ESPNL: variants seen among roughly 807,000 people sequenced by gnomAD.
ESPNL encodes espin like.
ESPNL carries 49 observed loss-of-function variants against 46.8 expected under a neutral mutation model. That is an observed-to-expected ratio of 1.05 (90% CI 0.83 to 1.33). The LOEUF (loss-of-function observed/expected upper bound fraction) is 1.33. Among genes scored for constraint, ESPNL ranks in the 40% most tolerant of loss-of-function variants. The pLI, the probability that ESPNL is intolerant of heterozygous loss-of-function variation, is 0.00. For missense variants in ESPNL, 1,540 were observed against 1,436.6 expected (o/e 1.07, Z -1.16); for synonymous variants, 664 against 662.1 (o/e 1.00, Z -0.04).
Position 238,104,782 on chromosome 2 carries a change from T to C in ESPNL, c.612T>C (p.Asp204=), listed in dbSNP as rs2106464537. 1 of 1,594,460 alleles carries C rather than the reference T, an allele frequency of 6.3e-7. No individual in the cohort carries two copies. Among genetic ancestry groups the C allele is most frequent in the Non-Finnish European group, 8.5e-7 (1 of 1,172,656 alleles). The change falls in exon 3 of 9, where the codon GAT becomes GAC. Residue 204 remains aspartate, a synonymous_variant. Coordinates refer to ENST00000343063, the MANE Select transcript of ESPNL (RefSeq NM_194312.4). ...CTGACGTGCACCTTCGTGCTCTCGA[T>C]GGCATGAGCGCCCTGCACGCTGCCG... The part of the protein sequence containing the change: ...CGADVHLRAL[D]GMSALHAAAA...
chr2:238,130,608 G>C lies in ESPNL; in HGVS notation c.1894G>C (p.Ala632Pro), dbSNP rs1692289962. ...GCCCCTGCAGGACACCTGCAGGGAG[G>C]CCTCGGCCAGCCCCCCTCGGAGCGA... ...TRPLQDTCRE[A>P]SASPPRSEAQ... The change falls in exon 9 of 9, where the codon GCC becomes CCC. Residue 632 changes from alanine (A) to proline (P), a missense_variant. Ala to Pro is a conservative substitution (Grantham distance 27). Coordinates refer to ENST00000343063, the MANE Select transcript of ESPNL (RefSeq NM_194312.4). 6.4e-7 allele frequency: 1 copy of C among 1,564,804 alleles called. No homozygotes were observed. The highest frequency in any genetic ancestry group is 1.2e-5 in the South Asian group (1 of 85,470).
At position 238,130,424 on chromosome 2, in the gene ESPNL, G is replaced by C; in HGVS notation, c.1710G>C (p.Ala570=). Residue 570 remains alanine, a synonymous_variant, in exon 9 of 9, where the codon GCG becomes GCC. Coordinates refer to ENST00000343063, the MANE Select transcript of ESPNL (RefSeq NM_194312.4). ...GLEVEEASIP[A]AEPAGSAEAS... ...AGGTTGAGGAGGCCTCAATCCCAGC[G>C]GCTGAGCCCGCAGGGTCTGCGGAGG... 5.6e-6 allele frequency: 9 copies of C among 1,607,900 alleles called. No individual in the cohort carries two copies. Among genetic ancestry groups the C allele is most frequent in the Non-Finnish European group, 7.6e-6 (9 of 1,178,002 alleles).
In ESPNL at chr2:238,108,689, G is replaced by A. The variant is rs542114045; in HGVS notation, c.855+716G>A. 2.0e-5 allele frequency among the ~76,000 whole-genome samples: 3 copies of A among 152,318 alleles called. No homozygotes were observed. In the East Asian group the frequency reaches 5.8e-4, roughly 29 times the overall value. On this transcript the variant is annotated intron_variant, in intron 4 of 8. Transcript: ENST00000343063. ...CTGCTCAGTCGGGAGCCAGCAGCGT[G>A]CTCCAGGCCTCTGCAAGGCTAGTCT...
At position 238,131,535 on chromosome 2, in the gene ESPNL, C is replaced by T. The variant is rs772882990; in HGVS notation, c.2821C>T (p.Arg941Cys). 8.1e-6 allele frequency: 13 copies of T among 1,611,484 alleles called. No individual in the cohort carries two copies. Among genetic ancestry groups the T allele is most frequent in the Middle Eastern group, 1.7e-4 (1 of 6,058 alleles). ...QRPAWDTEPGRKSGLTLLGPL... is the reference protein window; with the variant it reads ...QRPAWDTEPGCKSGLTLLGPL... ...TCCCGCCTGGGATACGGAGCCTGGC[C>T]GCAAGTCAGGTCTGACCCTGCTCGG... Residue 941 changes from arginine to cysteine, a missense_variant, in exon 9 of 9, where the codon CGC becomes TGC. By Grantham distance (180) the Arg-to-Cys change is radical (BLOSUM62 -3). Transcript: ENST00000343063.
rs1400167120 is a variant in ESPNL at position 238,107,993 on chromosome 2, GACA to G, written c.855+21_855+23del. The G allele has an allele frequency of 1.9e-5, 30 of 1,597,514 alleles. No individual in the cohort carries two copies. Among genetic ancestry groups the G allele is most frequent in the Non-Finnish European group, 2.6e-5 (30 of 1,171,210 alleles). On this transcript the variant is annotated intron_variant, in intron 4 of 8. Transcript: ENST00000343063. ...ATGGAGGTAAGGTGGGCGTGAGGGA[GACA>G]GGGTGAGCAGTCACAAGTGCCAGCC...
At chr2:238,127,400 G>A (rs1182319020) in intron 6 of ESPNL, 3 of 1,317,858 alleles carry the variant, frequency 2.3e-6, no homozygotes, top group East Asian at 3.1e-5. Flanking sequence ...GCGGTGTGCC[G>A]CAGGCTCTCC....
rs1450379194 is a variant in ESPNL, at chr2:238,132,008, G to GC, written c.*281dup. On this transcript the variant is annotated 3_prime_UTR_variant, in exon 9 of 9. Coordinates refer to ENST00000343063, the MANE Select transcript of ESPNL (RefSeq NM_194312.4). Reference sequence around the variant, plus strand: ...AGTCCAGGGCACCTCTGCCCAGCCGGCCCCCGAGACCTGGGATGCTGCCTG... The same window carrying GC: ...AGTCCAGGGCACCTCTGCCCAGCCGGCCCCCCGAGACCTGGGATGCTGCCTG... 2.8e-6 allele frequency: 1 copy of GC among 356,148 alleles called. No homozygotes were observed. The highest frequency in any genetic ancestry group is 5.1e-6 in the Non-Finnish European group (1 of 197,738). 22.1% of individuals were successfully genotyped at this position (356,148 alleles called of 1,614,324 possible).
chr2:238,105,063 G>A (rs936924657), intron 3 of ESPNL, among the ~76,000 whole-genome samples: 6 of 152,154 alleles, frequency 3.9e-5, no homozygotes, highest in East Asian at 1.9e-4. Context: ...CTGTGGGGTC[G>A]TGCCACGGCT....
At chr2:238,117,100 C>T (rs1022712719) in intron 5 of ESPNL, 66 bp downstream of exon 5, 2 of 1,530,874 alleles carry the variant, frequency 1.3e-6, no homozygotes, top group African/African-American at 2.7e-5. Context: ...AGCCAGGACC[C>T]CACTGCTGAA....
intron 4 of ESPNL, among the ~76,000 whole-genome samples, chr2:238,115,176 A>G (rs1016479567): frequency 2.0e-5 from 3 of 152,088 alleles, no homozygotes; most frequent in African/African-American, 7.2e-5. Context: ...GCAGGGCTCT[A>G]TCTTTTTGTC....
chr2:238,130,011 C>T, intron 8 of ESPNL, 117 bp from the exon 9 acceptor site: 1 of 1,205,952 alleles, frequency 8.3e-7, no homozygotes, highest in Non-Finnish European at 1.1e-6. Flanking sequence ...AAAGTCTTAC[C>T]TTGGGGCAGG....
At chr2:238,122,915 C>A (rs1016250815) in intron 5 of ESPNL, among the ~76,000 whole-genome samples, 8 of 152,350 alleles carry the variant, frequency 5.3e-5, no homozygotes, top group Middle Eastern at 3.4e-3. Context: ...CTGACTCTGC[C>A]CTGCTTGAAG....
At position 238,118,553 on chromosome 2, in the gene ESPNL, G is replaced by GAA. The variant is rs1327595156; in HGVS notation, c.987+1519_987+1520insAA. Among the ~76,000 whole-genome samples, 82 of 117,736 alleles carry GAA rather than the reference G, an allele frequency of 7.0e-4. 2 individuals are homozygous for GAA. The highest frequency in any genetic ancestry group is 4.8e-3 in the Middle Eastern group (1 of 208). The allele number at this position is 117,736 out of a possible 152,430, so 77.2% of individuals were successfully genotyped here. On this transcript the variant is annotated intron_variant, in intron 5 of 8. Transcript: ENST00000343063. ...GATGGAGGAGGAATGGATGGAAGAG[G>GAA]TGGATGGAGGAGAGTGAATGGAGGA...
intron 5 of ESPNL, among the ~76,000 whole-genome samples, chr2:238,120,726 G>T (rs949118153): frequency 3.3e-5 from 5 of 152,240 alleles, no homozygotes; most frequent in Non-Finnish European, 7.3e-5. Flanking sequence ...GTGACGGCAG[G>T]GGGTGCTCGT....
chr2:238,105,404 T>A (rs1287458715), intron 3 of ESPNL, among the ~76,000 whole-genome samples: 1 of 150,870 alleles, frequency 6.6e-6, no homozygotes, highest in Non-Finnish European at 1.5e-5. Flanking sequence ...CCCCAGCTAC[T>A]CGGGAGGCTG....
intron 4 of ESPNL, 111 bp from the exon 5 acceptor site, chr2:238,116,792 G>A: frequency 1.5e-6 from 2 of 1,359,032 alleles, no homozygotes; most frequent in Middle Eastern, 2.0e-4. Flanking sequence ...TGCTGGGAAG[G>A]GCATCAGGGC....
In ESPNL at chr2:238,114,430, A is replaced by G. The variant is rs1691773405; in HGVS notation, c.856-2473A>G. ...GGACGCTCCGCCTCCACCCACCCAC[A>G]CACCCACCGCGCCCTGGCAAACCTT... On this transcript the variant is annotated intron_variant, in intron 4 of 8. Coordinates refer to ENST00000343063, the MANE Select transcript of ESPNL (RefSeq NM_194312.4). The surrounding 1 kb of genome is among the most constrained non-coding windows in gnomAD (Gnocchi z 5.0). Among the ~76,000 whole-genome samples, 1 of 151,504 alleles carries G rather than the reference A, an allele frequency of 6.6e-6. No individual in the cohort carries two copies. The highest frequency in any genetic ancestry group is 2.4e-5 in the African/African-American group (1 of 41,162).
At chr2:238,124,029 C>T (rs1394792412) in intron 5 of ESPNL, among the ~76,000 whole-genome samples, 2 of 152,180 alleles carry the variant, frequency 1.3e-5, no homozygotes, top group Non-Finnish European at 2.9e-5. Context: ...AGTCCGGCCC[C>T]GGTGCAGCAG....
chr2:238,113,872 G>A (rs138882969), intron 4 of ESPNL, among the ~76,000 whole-genome samples: 103 of 152,212 alleles, frequency 6.8e-4, no homozygotes, highest in South Asian at 2.3e-3. Context: ...TTCTTCCGTC[G>A]TCAGCCCAGG....
Sources: gnomAD v4.1 joint callset for allele counts (sites outside exome capture counted in the v4.1 genomes callset) on GRCh38, gnomAD v4.1.1 for gene constraint, Gnocchi (gnomAD v3.1) non-coding constraint, MANE v1.5 for transcripts, NCBI Gene and HGNC (gene_info 2026-07-23, HGNC 2026-07-21) for gene names.